CLASP2: variants seen among roughly 807,000 people sequenced by gnomAD.
The protein encoded by CLASP2 is cytoplasmic linker associated protein 2, also known as CLIP-associating protein 2.
Under a neutral mutation model 194.4 loss-of-function variants are expected in CLASP2, and 47 were observed. The ratio of observed to expected loss-of-function variants is 0.24; its 90% CI spans 0.19 to 0.31. The LOEUF (loss-of-function observed/expected upper bound fraction) is 0.31, where lower values mean the gene tolerates loss of function less well. CLASP2 is among the 10% of genes least tolerant of loss of function. The pLI, the probability that CLASP2 is intolerant of heterozygous loss-of-function variation, is 1.00. For synonymous variants in CLASP2, 619 were observed against 633.5 expected (o/e 0.98, Z 0.34); for missense variants, 1,445 against 1,823.6 (o/e 0.79, Z 3.78).
Position 33,517,019 on chromosome 3 carries a change from T to C in CLASP2, c.3943A>G (p.Ile1315Val), listed in dbSNP as rs2051523223. 1.2e-6 allele frequency: 2 copies of C among 1,613,182 alleles called. No homozygotes were observed. The highest frequency in any genetic ancestry group is 2.7e-5 in the African/African-American group (2 of 74,890). Residue 1315 changes from isoleucine (I) to valine (V), a missense_variant, in exon 35 of 39, where the codon ATA becomes GTA. Ile to Val is a conservative substitution (Grantham distance 29). Transcript: ENST00000682230. ...FSVWDEHFKT[I>V]LLLLLETLGD... ...AGCGTTTCAAGCAATAAAAGCAATA[T>C]TGTTTTGAAGTGTTCATCCCAAACA...
chr3:33,606,561 G>C, intron 16 of CLASP2, 30 bp downstream of exon 16: 1 of 1,577,532 alleles, frequency 6.3e-7, no homozygotes, highest in Non-Finnish European at 8.7e-7. Flanking sequence ...GAGAGGAAGA[G>C]ACTAGTAATC....
intron 8 of CLASP2, among the ~76,000 whole-genome samples, chr3:33,643,226 T>C (rs576995845): frequency 8.6e-5 from 13 of 151,948 alleles, no homozygotes; most frequent in Non-Finnish European, 1.5e-4. Context: ...GTTCAATTCA[T>C]AAAATGTTAT....
At chr3:33,601,918 A>C (rs2072318704) in intron 18 of CLASP2, among the ~76,000 whole-genome samples, 1 of 152,130 alleles carries the variant, frequency 6.6e-6, no homozygotes. Context: ...GGGGCCAAAA[A>C]TGTTTTAGAT....
At chr3:33,706,808 T>G (rs975477638) in intron 1 of CLASP2, among the ~76,000 whole-genome samples, 1 of 150,750 alleles carries the variant, frequency 6.6e-6, no homozygotes, top group Admixed American at 6.6e-5. Context: ...GAAAAAAAAA[T>G]TTTAAAGTTA....
intron 15 of CLASP2, among the ~76,000 whole-genome samples, chr3:33,607,037 A>G (rs1253609731): frequency 1.3e-5 from 2 of 152,232 alleles, no homozygotes; most frequent in Non-Finnish European, 2.9e-5. Context: ...ATCTATGGAG[A>G]TAACACTATC....
intron 34 of CLASP2, among the ~76,000 whole-genome samples, chr3:33,533,967 G>A (rs1287127576): frequency 3.3e-5 from 5 of 152,182 alleles, no homozygotes; most frequent in Non-Finnish European, 7.4e-5. Context: ...CACCCACCTC[G>A]GCCTCCCAAA....
intron 17 of CLASP2, among the ~76,000 whole-genome samples, chr3:33,603,763 T>C (rs978635758): frequency 2.6e-5 from 4 of 152,068 alleles, no homozygotes; most frequent in Non-Finnish European, 5.9e-5. Context: ...GCTGGGATTA[T>C]GGGCACGTGC....
rs2091155671 is a variant in CLASP2 at position 33,689,910 on chromosome 3, T to C, written c.297A>G (p.Arg99=). The C allele has an allele frequency of 1.3e-6, 2 of 1,593,702 alleles. No individual in the cohort carries two copies. Among genetic ancestry groups the C allele is most frequent in the Non-Finnish European group, 1.7e-6 (2 of 1,170,492 alleles). ...GAACCTTGTCTTTGGCATCTCCCAT[T>C]CTGTCTATTAAAGCTACAATAACTA... is the stretch of plus-strand genomic sequence containing the variant. ...VAMVIVALID[R]MGDAKDKVRD... Residue 99 remains arginine (R), a synonymous_variant, in exon 3 of 39, where the codon AGA becomes AGG. Transcript: ENST00000682230.
At chr3:33,509,310 G>A (rs769501511) in intron 37 of CLASP2, among the ~76,000 whole-genome samples, 2 of 152,072 alleles carry the variant, frequency 1.3e-5, no homozygotes, top group Non-Finnish European at 2.9e-5. Context: ...TCCACCTCTC[G>A]GGTTCAAGCA....
At chr3:33,599,673 C>G (rs1047879457) in intron 18 of CLASP2, among the ~76,000 whole-genome samples, 1 of 152,042 alleles carries the variant, frequency 6.6e-6, no homozygotes, top group Non-Finnish European at 1.5e-5. Flanking sequence ...CTAATTCATA[C>G]ATGTATAGCC....
At chr3:33,608,861 T>C (rs968106455) in intron 13 of CLASP2, among the ~76,000 whole-genome samples, 5 of 150,848 alleles carry the variant, frequency 3.3e-5, no homozygotes, top group African/African-American at 9.7e-5. Flanking sequence ...CAAGTGATTC[T>C]CTTGTCTCGG....
chr3:33,685,334 C>A (rs2090504743), intron 5 of CLASP2, among the ~76,000 whole-genome samples: 1 of 94,634 alleles, frequency 1.1e-5, no homozygotes, highest in African/African-American at 4.3e-5. Flanking sequence ...AAGAGCGAAA[C>A]TCCGTCTCAA....
At position 33,607,445 on chromosome 3, in the gene CLASP2, C is replaced by A. The variant is rs2074121947; in HGVS notation, c.1465G>T (p.Val489Phe). 1 of 1,608,556 alleles carries A rather than the reference C, an allele frequency of 6.2e-7. No individual in the cohort carries two copies. Among genetic ancestry groups the A allele is most frequent in the Non-Finnish European group, 8.5e-7 (1 of 1,177,586 alleles). The change falls in exon 15 of 39, where the codon GTT becomes TTT. Residue 489 changes from valine to phenylalanine, a missense_variant. This residue lies in a region of CLASP2 where 207 missense variants were observed against 331.4 expected (regional missense o/e 0.62). Coordinates refer to ENST00000682230, the MANE Select transcript of CLASP2 (RefSeq NM_001365631.1). ...HSLERHAAVLVETIKKGIHDA... is the reference protein window; with the variant it reads ...HSLERHAAVLFETIKKGIHDA... ...TGAATTCCCTTTTTAATAGTTTCAA[C>A]CAAGACGGCTGCATGTCTATAAAAT...
intron 21 of CLASP2, among the ~76,000 whole-genome samples, chr3:33,591,982 A>G (rs1322593855): frequency 1.3e-5 from 2 of 152,242 alleles, no homozygotes; most frequent in South Asian, 2.1e-4. Flanking sequence ...TCTAAAAAGC[A>G]TAATTTTCTA....
intron 37 of CLASP2, among the ~76,000 whole-genome samples, chr3:33,506,755 C>G (rs1298726264): frequency 6.6e-6 from 1 of 152,096 alleles, no homozygotes; most frequent in African/African-American, 2.4e-5. Flanking sequence ...TCTTCTTCCC[C>G]ACAAAAAACT....
chr3:33,700,846 G>A (rs149253052), intron 1 of CLASP2, among the ~76,000 whole-genome samples: 8 of 152,132 alleles, frequency 5.3e-5, no homozygotes, highest in East Asian at 3.9e-4. Flanking sequence ...GTGAAACTCC[G>A]TCTCAAAAAA....
At chr3:33,666,605 T>C (rs1357295475) in intron 6 of CLASP2, among the ~76,000 whole-genome samples, 1 of 152,238 alleles carries the variant, frequency 6.6e-6, no homozygotes, top group East Asian at 1.9e-4. Flanking sequence ...ATTCACCAAG[T>C]AATGGACATA....
chr3:33,606,798 A>G (rs991957716), intron 15 of CLASP2, 40 bp from the exon 16 acceptor site: 4 of 1,392,160 alleles, frequency 2.9e-6, no homozygotes, highest in Non-Finnish European at 4.0e-6. Flanking sequence ...TAATAGCTTT[A>G]CATAATTAGA....
intron 37 of CLASP2, among the ~76,000 whole-genome samples, chr3:33,508,207 CG>C (rs2048809917): frequency 6.6e-6 from 1 of 152,000 alleles, no homozygotes; most frequent in Non-Finnish European, 1.5e-5. Flanking sequence ...TTTGTAGAGA[CG>C]AGGCATCACT....
Sources: allele counts gnomAD v4.1 joint callset (sites outside exome capture counted in the v4.1 genomes callset), GRCh38; gene constraint gnomAD v4.1.1; regional missense constraint gnomAD v4.1.1; transcripts MANE v1.5; gene names NCBI Gene and HGNC (gene_info 2026-07-23, HGNC 2026-07-21).